The following MEF2C variants were observed in gnomAD, a reference collection of about 807,000 sequenced individuals.
MEF2C encodes the protein myocyte enhancer factor 2C, also known as myocyte-specific enhancer factor 2C.
A neutral mutation model predicts 50.5 loss-of-function variants in MEF2C; 6 were observed. The ratio of observed to expected loss-of-function variants is 0.12; its 90% CI spans 0.07 to 0.23. The LOEUF is 0.23. Ranked by LOEUF, MEF2C falls within the 10% of genes least tolerant of loss-of-function variation. The pLI is 1.00. For missense variants in MEF2C, 276 were observed against 605.0 expected (o/e 0.46, Z 5.70); for synonymous variants, 183 against 228.0 (o/e 0.80, Z 1.78).
At chr5:88,854,707 C>T (rs1377568297) in intron 1 of MEF2C, among the ~76,000 whole-genome samples, 1 of 152,134 alleles carries the variant, frequency 6.6e-6, no homozygotes, top group Admixed American at 6.5e-5. Context: ...GTGCAGTCTC[C>T]AAGCTCAAGG....
intron 1 of MEF2C, among the ~76,000 whole-genome samples, chr5:88,872,976 T>G (rs959344042): frequency 2.0e-5 from 3 of 152,112 alleles, no homozygotes; most frequent in South Asian, 2.1e-4. Context: ...ATCTTCTCTC[T>G]CGAGAGTGTA....
At chr5:88,848,736 T>G (rs1055230553) in intron 1 of MEF2C, among the ~76,000 whole-genome samples, 1 of 152,216 alleles carries the variant, frequency 6.6e-6, no homozygotes, top group African/African-American at 2.4e-5. Context: ...GTGAAAGAGT[T>G]AAAAGATTTT....
intron 4 of MEF2C, among the ~76,000 whole-genome samples, chr5:88,757,415 A>AG (rs973769090): frequency 6.6e-6 from 1 of 151,888 alleles, no homozygotes; most frequent in Non-Finnish European, 1.5e-5. Flanking sequence ...GCTGTAGTAG[A>AG]GGAAAAAAAA....
upstream of MEF2C, chr5:88,883,836 A>T (rs904793941): frequency 5.3e-5 from 8 of 152,336 alleles, no homozygotes; most frequent in South Asian, 4.2e-4. Flanking sequence ...TCCAGTCTCA[A>T]CTAGATTGAT....
At chr5:88,847,102 T>G (rs1819612525) in intron 1 of MEF2C, among the ~76,000 whole-genome samples, 1 of 152,240 alleles carries the variant, frequency 6.6e-6, no homozygotes, top group African/African-American at 2.4e-5. Flanking sequence ...TTAAGCTCTA[T>G]TGCGGATTTG....
intron 1 of MEF2C, among the ~76,000 whole-genome samples, chr5:88,891,085 A>T (rs1484096600): frequency 1.3e-5 from 2 of 152,230 alleles, no homozygotes; most frequent in African/African-American, 4.8e-5. Flanking sequence ...AATGAGGAGC[A>T]TGGGGAATAA....
chr5:88,806,084 C>T (rs940714641), intron 2 of MEF2C, among the ~76,000 whole-genome samples: 8 of 151,948 alleles, frequency 5.3e-5, no homozygotes, highest in Admixed American at 1.3e-4. Context: ...GCTGACATAT[C>T]GTTTGTTTCT....
upstream of MEF2C, among the ~76,000 whole-genome samples, chr5:88,887,888 AG>A (rs1479994011): frequency 1.3e-5 from 2 of 152,240 alleles, no homozygotes; most frequent in African/African-American, 4.8e-5. Flanking sequence ...CAATATACAA[AG>A]GATTTGTTAT....
chr5:88,748,304 C>T (rs1037826158), intron 6 of MEF2C: 17 of 520,966 alleles, frequency 3.3e-5, no homozygotes, highest in Non-Finnish European at 3.7e-5. Flanking sequence ...TCATGCCTGC[C>T]TCCTACTATT....
intron 2 of MEF2C, among the ~76,000 whole-genome samples, chr5:88,822,222 C>T (rs972123612): frequency 6.6e-6 from 1 of 151,926 alleles, no homozygotes; most frequent in Non-Finnish European, 1.5e-5. Flanking sequence ...TAATAAAGTG[C>T]AAATGCTAAT....
chr5:88,846,976 T>G (rs1289229164), intron 1 of MEF2C, among the ~76,000 whole-genome samples: 1 of 152,252 alleles, frequency 6.6e-6, no homozygotes, highest in Non-Finnish European at 1.5e-5. Flanking sequence ...AATGTACATT[T>G]GCTTATATTG....
chr5:88,737,381 G>C, intron 6 of MEF2C: 1 of 985,376 alleles, frequency 1.0e-6, no homozygotes, highest in Non-Finnish European at 1.2e-6. Context: ...TGTTGCACCT[G>C]TTAATCATTT....
intron 3 of MEF2C, chr5:88,762,041 A>G (rs568342352): frequency 7.2e-5 from 11 of 152,384 alleles, no homozygotes; most frequent in African/African-American, 2.6e-4. Context: ...AGGAAGACGA[A>G]GAACACTGAA....
At chr5:88,898,083 A>AT (rs904226856) in intron 1 of MEF2C, among the ~76,000 whole-genome samples, 12 of 151,554 alleles carry the variant, frequency 7.9e-5, no homozygotes, top group Middle Eastern at 3.4e-3. Flanking sequence ...TAATGCCATA[A>AT]TTTTTTTTTC....
intron 1 of MEF2C, among the ~76,000 whole-genome samples, chr5:88,895,803 G>A (rs573303257): frequency 6.6e-6 from 1 of 152,026 alleles, no homozygotes; most frequent in African/African-American, 2.4e-5. Flanking sequence ...TCCCTCAGCC[G>A]CCCCTTTATG....
At chr5:88,788,031 C>T (rs1226735420) in intron 3 of MEF2C, among the ~76,000 whole-genome samples, 1 of 152,160 alleles carries the variant, frequency 6.6e-6, no homozygotes, top group Non-Finnish European at 1.5e-5. Flanking sequence ...TTTCTCTGCC[C>T]TGGCTCAGGT....
chr5:88,744,790 A>C (rs1768579678), intron 6 of MEF2C, among the ~76,000 whole-genome samples: 1 of 152,198 alleles, frequency 6.6e-6, no homozygotes, highest in African/African-American at 2.4e-5. Flanking sequence ...CTTTGAAAGT[A>C]TTTCAAGTTA....
chr5:88,882,275 C>T (rs1453491811), intron 1 of MEF2C, among the ~76,000 whole-genome samples: 2 of 152,196 alleles, frequency 1.3e-5, no homozygotes, highest in African/African-American at 4.8e-5. Context: ...TGCTTTTAAA[C>T]AGCTATGTAT....
At chr5:88,782,701 C>A (rs943823119) in intron 3 of MEF2C, among the ~76,000 whole-genome samples, 5 of 152,176 alleles carry the variant, frequency 3.3e-5, no homozygotes, top group African/African-American at 9.7e-5. Flanking sequence ...TTAGCACACA[C>A]ACATATACAT....
Sources: gnomAD v4.1 joint callset for allele counts (sites outside exome capture counted in the v4.1 genomes callset) on GRCh38, gnomAD v4.1.1 for gene constraint, MANE v1.5 for transcripts, NCBI Gene and HGNC (gene_info 2026-07-23, HGNC 2026-07-21) for gene names.